Variants in PPM1F observed in about 807,000 individuals in gnomAD.
PPM1F encodes the protein protein phosphatase, Mg2+/Mn2+ dependent 1F, also known as protein phosphatase 1F.
PPM1F carries 17 observed loss-of-function variants against 35.5 expected under a neutral mutation model. The observed-to-expected ratio is 0.48, with a 90% CI of 0.33 to 0.72. PPM1F has a LOEUF of 0.72. PPM1F is among the 30% of genes least tolerant of loss of function. The pLI is 0.02. For missense variants in PPM1F, 521 were observed against 613.0 expected (o/e 0.85, Z 1.59); for synonymous variants, 241 against 255.5 (o/e 0.94, Z 0.54).
intron 6 of PPM1F, among the ~76,000 whole-genome samples, chr22:21,926,895 G>T (rs1189335232): frequency 6.6e-6 from 1 of 152,194 alleles, no homozygotes; most frequent in Non-Finnish European, 1.5e-5. Context: ...GGAGGCCTGG[G>T]GGAGGCAGCC....
At chr22:21,933,704 C>A in intron 4 of PPM1F, 125 bp from the exon 5 acceptor site, 1 of 869,150 alleles carries the variant, frequency 1.2e-6, no homozygotes, top group South Asian at 1.7e-5. Flanking sequence ...GGCTTATGTG[C>A]GTATGAGGGG....
rs765079029 is a variant in PPM1F at position 21,923,242 on chromosome 22, G to A, written c.1215C>T (p.Asn405=). 2 of 1,613,358 alleles carry A rather than the reference G, an allele frequency of 1.2e-6. No homozygotes were observed. Among genetic ancestry groups the A allele is most frequent in the African/African-American group, 1.3e-5 (1 of 74,904 alleles). ...AAARERGSHD[N]ITVMVVFLRD... ...TGAGGAAGACCACCATGACCGTGAT[G>A]TTGTCGTGGGAGCCCCGCTCCCGGG... Residue 405 remains asparagine (N), a synonymous_variant, in exon 8 of 8, where the codon AAC becomes AAT. Coordinates refer to ENST00000263212, the MANE Select transcript of PPM1F (RefSeq NM_014634.4).
chr22:21,933,623 G>A (rs1026625211), intron 4 of PPM1F, 44 bp from the exon 5 acceptor site: 2 of 1,563,158 alleles, frequency 1.3e-6, no homozygotes, highest in Admixed American at 1.7e-5. Context: ...GGGACCCAGG[G>A]TGCTCCCAGT....
In PPM1F at chr22:21,923,011, G is replaced by A; in HGVS notation, c.*81C>T. On this transcript the variant is annotated 3_prime_UTR_variant, in exon 8 of 8. Coordinates refer to ENST00000263212, the MANE Select transcript of PPM1F (RefSeq NM_014634.4). The stretch of plus-strand genomic sequence containing the variant: ...GGGGCGGGCACCCTGTCCACTGCCT[G>A]CCACCTGTTGGGTCCTGAGGCTTCT... The A allele has an allele frequency of 6.6e-7, 1 of 1,509,132 alleles. No homozygotes were observed. Among genetic ancestry groups the A allele is most frequent in the Non-Finnish European group, 8.9e-7 (1 of 1,127,116 alleles). 93.5% of individuals were successfully genotyped at this position (1,509,132 alleles called of 1,614,324 possible). A position where few individuals can be genotyped will look rare whatever the true frequency, so the allele number is the denominator to read the frequency against.
At position 21,933,424 on chromosome 22, in the gene PPM1F, G is replaced by A. The variant is rs1174901838; in HGVS notation, c.714C>T (p.Thr238=). The A allele has an allele frequency of 4.3e-6, 7 of 1,612,118 alleles. No homozygotes were observed. The highest frequency in any genetic ancestry group is 2.2e-5 in the South Asian group (2 of 91,078). ...EGALREAFRR[T]DQMFLRKAKR... ...TGGCTTTCCTGAGAAACATCTGGTC[G>A]GTGCGCCGGAAGGCTTCTCTGAGGG... is the stretch of plus-strand genomic sequence containing the variant. Residue 238 remains threonine (T), a synonymous_variant, in exon 5 of 8, where the codon ACC becomes ACT. Transcript: ENST00000263212.
In PPM1F at chr22:21,923,309, T is replaced by C. The variant is rs1259380102; in HGVS notation, c.1148A>G (p.Gln383Arg). The C allele has an allele frequency of 1.2e-6, 2 of 1,613,548 alleles. No homozygotes were observed. Residue 383 changes from glutamine to arginine, a missense_variant, in exon 8 of 8, where the codon CAG becomes CGG. Gln to Arg is a conservative substitution (Grantham distance 43). Transcript: ENST00000263212. ...CTCGGCGACACGGAGCCCGCTGCCC[T>C]GCTGCCTGGTCAGGTGGCTCTGGAC... is the stretch of plus-strand genomic sequence containing the variant. ...GLVQSHLTRQ[Q>R]GSGLRVAEEL...
chr22:21,923,111 T>G lies in PPM1F; in HGVS notation c.1346A>C (p.Gln449Pro). Residue 449 changes from glutamine (Q) to proline (P), a missense_variant, in exon 8 of 8, where the codon CAG becomes CCG. Coordinates refer to ENST00000263212, the MANE Select transcript of PPM1F (RefSeq NM_014634.4). ...LPSSLPEPETQAPPRS is the reference protein window; with the variant it reads ...LPSSLPEPETPAPPRS ...AACCACCTAGCTTCTTGGTGGAGCC[T>G]GGGTCTCAGGTTCTGGAAGGCTGGA... 2 of 1,607,830 alleles carry G rather than the reference T, an allele frequency of 1.2e-6. No individual in the cohort carries two copies. Among genetic ancestry groups the G allele is most frequent in the Non-Finnish European group, 1.7e-6 (2 of 1,177,176 alleles).
rs568867931 is a variant in PPM1F, at chr22:21,940,197, G to A, written c.207-517C>T. Among the ~76,000 whole-genome samples, 7 of 152,256 alleles carry A rather than the reference G, an allele frequency of 4.6e-5. No individual in the cohort carries two copies. The East Asian group carries it at 5.8e-4, about 13-fold the overall frequency. On this transcript the variant is annotated intron_variant, in intron 2 of 7. Coordinates refer to ENST00000263212, the MANE Select transcript of PPM1F (RefSeq NM_014634.4). ...CTCTATGAAAAAGGGAATTTGGGCC[G>A]GGTGCGGTGGCTCACATCTGTAATC...
intron 6 of PPM1F, among the ~76,000 whole-genome samples, chr22:21,929,641 G>A (rs956879872): frequency 2.6e-5 from 4 of 152,200 alleles, no homozygotes; most frequent in African/African-American, 7.2e-5. Flanking sequence ...TCCTGGGGAG[G>A]AGAGCCCACT....
In PPM1F at chr22:21,922,943, G is replaced by GT; in HGVS notation, c.*148_*149insA. 1 of 1,067,582 alleles carries GT rather than the reference G, an allele frequency of 9.4e-7. No homozygotes were observed. The allele number at this position is 1,067,582 out of a possible 1,614,324, so 66.1% of individuals were successfully genotyped here. On this transcript the variant is annotated 3_prime_UTR_variant, in exon 8 of 8. Transcript: ENST00000263212. ...TCCACAGCCACCAGGACGGGCTGCG[G>GT]GGGGTGTCCCGACTGGCTCTGGGGT...
chr22:21,938,564 C>T (rs1164753971), intron 3 of PPM1F: 3 of 1,032,950 alleles, frequency 2.9e-6, no homozygotes, highest in Non-Finnish European at 3.5e-6. Flanking sequence ...ACTAGTAATG[C>T]CGAATTTAGA....
intron 2 of PPM1F, chr22:21,943,998 G>C (rs1192958562): frequency 6.6e-6 from 1 of 152,434 alleles, no homozygotes; most frequent in Non-Finnish European, 1.5e-5. Context: ...CCTCCACGAA[G>C]ACCCAGTGGC....
At chr22:21,938,555 C>T (rs1363857511) in intron 3 of PPM1F, 3 of 1,046,510 alleles carry the variant, frequency 2.9e-6, no homozygotes, top group African/African-American at 1.7e-5. Flanking sequence ...CACGCATGCA[C>T]TAGTAATGCC....
chr22:21,945,560 A>G, intron 2 of PPM1F: 1 of 436,480 alleles, frequency 2.3e-6, no homozygotes, highest in Non-Finnish European at 4.1e-6. Flanking sequence ...ACAGAAAGGC[A>G]GACTCTTCCC....
Position 21,931,186 on chromosome 22 carries a change from C to T in PPM1F, c.853G>A (p.Val285Met). Residue 285 changes from valine to methionine, a missense_variant, in exon 6 of 8, where the codon GTG becomes ATG. Physicochemically the swap from Val to Met is conservative, Grantham distance 21. Around this residue, in one of 3 missense-constraint regions of PPM1F, gnomAD observed 47 missense variants for 92.0 expected, o/e 0.51. Coordinates refer to ENST00000263212, the MANE Select transcript of PPM1F (RefSeq NM_014634.4). ...SQVILVQQGQVVKLMEPHRPE... is the reference protein window; with the variant it reads ...SQVILVQQGQMVKLMEPHRPE... ...CTGTGTGGCTCCATCAGCTTCACCA[C>T]CTGTCCCTGCTGTACCAAAATGACC... The T allele has an allele frequency of 6.2e-7, 1 of 1,614,214 alleles. No individual in the cohort carries two copies. The highest frequency in any genetic ancestry group is 8.5e-7 in the Non-Finnish European group (1 of 1,180,048).
Position 21,931,135 on chromosome 22 carries a change from G to A in PPM1F, c.891+13C>T. On this transcript the variant is annotated intron_variant, in intron 6 of 7. Transcript: ENST00000263212. Reference sequence around the variant, plus strand: ...CAGGAATATCCTGGGCCTGGGCGCAGGGATCCCCTTACCTGCCGTTCTGGT... The same window carrying A: ...CAGGAATATCCTGGGCCTGGGCGCAAGGATCCCCTTACCTGCCGTTCTGGT... 1.2e-6 allele frequency: 2 copies of A among 1,613,816 alleles called. No individual in the cohort carries two copies. Among genetic ancestry groups the A allele is most frequent in the East Asian group, 2.2e-5 (1 of 44,868 alleles).
rs147032523 is a variant in PPM1F, at chr22:21,933,577, G to T, written c.561C>A (p.Asp187Glu). ...CAGCAAAGTAGGCGCGGTTCACAGGGTCCTGGTGGGGATGTGGTGGGAGTC... is the reference window on the plus strand; with the variant it reads ...CAGCAAAGTAGGCGCGGTTCACAGGTTCCTGGTGGGGATGTGGTGGGAGTC... ...PSFNQLFGLSDPVNRAYFAVF... is the reference protein window; with the variant it reads ...PSFNQLFGLSEPVNRAYFAVF... The change falls in exon 5 of 8, where the codon GAC becomes GAA. Residue 187 changes from aspartate to glutamate, a missense_variant and splice_region_variant. Physicochemically the swap from Asp to Glu is conservative, Grantham distance 45. Coordinates refer to ENST00000263212, the MANE Select transcript of PPM1F (RefSeq NM_014634.4). 6.1e-5 allele frequency: 98 copies of T among 1,607,756 alleles called. No homozygotes were observed. Among genetic ancestry groups the T allele is most frequent in the Non-Finnish European group, 7.9e-5 (93 of 1,175,308 alleles).
chr22:21,923,874 G>A (rs866680458), intron 7 of PPM1F, among the ~76,000 whole-genome samples: 7 of 147,190 alleles, frequency 4.8e-5, no homozygotes, highest in African/African-American at 1.8e-4. Flanking sequence ...TATTTTAGTA[G>A]AGATGGGGTT....
At chr22:21,923,844 ATTG>A (rs1279185829) in intron 7 of PPM1F, among the ~76,000 whole-genome samples, 61 of 146,678 alleles carry the variant, frequency 4.2e-4, no homozygotes, top group African/African-American at 1.4e-3. Flanking sequence ...TGCCCAGCTA[ATTG>A]TTTTTTTTTT....
Sources: allele counts gnomAD v4.1 joint callset (sites outside exome capture counted in the v4.1 genomes callset), GRCh38; gene constraint gnomAD v4.1.1; regional missense constraint gnomAD v4.1.1; transcripts MANE v1.5; gene names NCBI Gene and HGNC (gene_info 2026-07-23, HGNC 2026-07-21).